TENM2: variants seen among roughly 807,000 people sequenced by gnomAD.
TENM2 encodes teneurin-2.
In TENM2, 52 loss-of-function variants were observed where a neutral mutation model predicts 245.2. The observed-to-expected ratio is 0.21, with a 90% CI of 0.17 to 0.27. The LOEUF (loss-of-function observed/expected upper bound fraction) is 0.27. TENM2 is among the 10% of genes least tolerant of loss of function. The pLI is 1.00. For missense variants in TENM2, 3,046 were observed against 3,666.8 expected, an observed-to-expected ratio of 0.83 and a Z score of 4.37; for synonymous variants, 1,363 against 1,438.9, an observed-to-expected ratio of 0.95 and a Z score of 1.19.
At chr5:167,080,737 G>A in the TENM2 span, among the ~76,000 whole-genome samples, 8 of 152,026 alleles carry the variant, frequency 5.3e-5, no homozygotes, top group South Asian at 4.1e-4. Flanking sequence ...TCCAAATGTC[G>A]AAGTGCTGTA....
At chr5:167,090,284 GTT>G in the TENM2 span, among the ~76,000 whole-genome samples, 1 of 141,478 alleles carries the variant, frequency 7.1e-6, no homozygotes, top group Non-Finnish European at 1.6e-5. Context: ...CATTTCAAAG[GTT>G]TTTTTTTTTT....
chr5:168,186,685 A>G (rs1294107901), intron 13 of TENM2: 1 of 152,224 alleles, frequency 6.6e-6, no homozygotes, highest in African/African-American at 2.4e-5. Flanking sequence ...ATAAGTAGGT[A>G]GATAAATAAA....
chr5:167,227,738 C>A, the TENM2 span, among the ~76,000 whole-genome samples: 6 of 152,242 alleles, frequency 3.9e-5, no homozygotes, highest in Admixed American at 2.0e-4. Context: ...TGAAGAAGAT[C>A]TTTTTGCTTT....
the TENM2 span, among the ~76,000 whole-genome samples, chr5:167,158,556 A>C: frequency 6.6e-6 from 1 of 152,184 alleles, no homozygotes; most frequent in African/African-American, 2.4e-5. Context: ...GCTGCTGAGA[A>C]GGCCACGGTG....
chr5:167,500,552 A>C (rs1769146707), intron 2 of TENM2, among the ~76,000 whole-genome samples: 2 of 152,280 alleles, frequency 1.3e-5, no homozygotes, highest in South Asian at 4.2e-4. Flanking sequence ...GAAAAGGGAG[A>C]AAATCGTGAG....
intron 2 of TENM2, among the ~76,000 whole-genome samples, chr5:167,597,152 TTTC>T (rs1373044858): frequency 1.3e-4 from 15 of 116,942 alleles, no homozygotes; most frequent in Non-Finnish European, 2.6e-4. Flanking sequence ...TTTCTTTTCT[TTTC>T]TTTTCTTTTC....
At chr5:167,924,097 C>A (rs1403759292) in intron 3 of TENM2, among the ~76,000 whole-genome samples, 1 of 152,192 alleles carries the variant, frequency 6.6e-6, no homozygotes, top group Non-Finnish European at 1.5e-5. Flanking sequence ...CTTAAATAGA[C>A]CATATGGAGG....
At chr5:167,512,981 T>A (rs887503523) in intron 2 of TENM2, among the ~76,000 whole-genome samples, 1 of 152,172 alleles carries the variant, frequency 6.6e-6, no homozygotes, top group African/African-American at 2.4e-5. Context: ...TGATAGGGGA[T>A]TGGATTTTGA....
At position 167,550,680 on chromosome 5, in the gene TENM2, C is replaced by CT. The variant is rs892119203; in HGVS notation, c.502+175216dup. ...GCTAGAGTACTTTCTACACAATTACCTTTTTTTTTGTTGTTGTTAGTGTGT... is the reference window on the plus strand; with the variant it reads ...GCTAGAGTACTTTCTACACAATTACCTTTTTTTTTTGTTGTTGTTAGTGTGT... On this transcript the variant is annotated intron_variant, in intron 2 of 28. Transcript: ENST00000518659. Among the ~76,000 whole-genome samples the CT allele has an allele frequency of 3.3e-3, 446 of 133,818 alleles. 9 individuals are homozygous for CT. The highest frequency in any genetic ancestry group is 0.012 in the Middle Eastern group (3 of 254). The allele number at this position is 133,818 out of a possible 152,430, so 87.8% of individuals were successfully genotyped here.
In TENM2 at chr5:167,740,951, C is replaced by A. The variant is rs113020646; in HGVS notation, c.503-135035C>A. Among the ~76,000 whole-genome samples the A allele has an allele frequency of 8.2e-3, 1,245 of 152,272 alleles. 8 individuals carry two copies. Among genetic ancestry groups the A allele is most frequent in the Non-Finnish European group, 0.014 (925 of 68,014 alleles). Reference sequence around the variant, plus strand: ...GCCAAGCTCATTCCAACGTGAGAACCTTGGCATGTCTTCTGTCAACCCTGC... The same window carrying A: ...GCCAAGCTCATTCCAACGTGAGAACATTGGCATGTCTTCTGTCAACCCTGC... On this transcript the variant is annotated intron_variant, in intron 2 of 28. Transcript: ENST00000518659.
chr5:168,092,387 A>G (rs1793017238), intron 8 of TENM2, among the ~76,000 whole-genome samples: 1 of 152,168 alleles, frequency 6.6e-6, no homozygotes. Flanking sequence ...GAGCAGCCCC[A>G]TACATCTGTT....
chr5:167,472,395 G>T (rs903820063), intron 2 of TENM2, among the ~76,000 whole-genome samples: 1 of 152,184 alleles, frequency 6.6e-6, no homozygotes, highest in South Asian at 2.1e-4. Flanking sequence ...TTTTCTAGCC[G>T]CAATAGTTTA....
At chr5:167,653,250 A>G (rs1043831302) in intron 2 of TENM2, 1 of 151,994 alleles carries the variant, frequency 6.6e-6, no homozygotes. Flanking sequence ...AATTTTATAT[A>G]TTTATTTCTT....
intron 9 of TENM2, among the ~76,000 whole-genome samples, chr5:168,109,012 C>G (rs1166373299): frequency 1.3e-5 from 2 of 152,166 alleles, no homozygotes; most frequent in Non-Finnish European, 2.9e-5. Flanking sequence ...CATCCTAGCT[C>G]CTTCAAACCT....
chr5:167,948,035 T>C (rs1175870936), intron 3 of TENM2, among the ~76,000 whole-genome samples: 1 of 152,188 alleles, frequency 6.6e-6, no homozygotes, highest in Non-Finnish European at 1.5e-5. Context: ...CAGCTGTTTA[T>C]TTAGGCAGAA....
chr5:167,073,096 A>G, the TENM2 span, among the ~76,000 whole-genome samples: 1 of 152,240 alleles, frequency 6.6e-6, no homozygotes, highest in African/African-American at 2.4e-5. Context: ...GGTATTCTTT[A>G]AGAGATAAGG....
chr5:167,184,197 A>G, the TENM2 span, among the ~76,000 whole-genome samples: 1 of 152,322 alleles, frequency 6.6e-6, no homozygotes, highest in Admixed American at 6.5e-5. Context: ...ATATTTTTGA[A>G]TCAGAAAATA....
At chr5:167,913,424 G>A (rs534943390) in intron 3 of TENM2, among the ~76,000 whole-genome samples, 10 of 152,270 alleles carry the variant, frequency 6.6e-5, no homozygotes, top group South Asian at 6.2e-4. Flanking sequence ...TTATGCAGAC[G>A]CTCTTTTTAT....
intron 2 of TENM2, among the ~76,000 whole-genome samples, chr5:167,738,246 T>C (rs912871387): frequency 6.6e-6 from 1 of 152,274 alleles, no homozygotes; most frequent in African/African-American, 2.4e-5. Flanking sequence ...ATTCTAATTG[T>C]TTATATAATA....
Sources: gnomAD v4.1 joint callset for allele counts (sites outside exome capture counted in the v4.1 genomes callset) on GRCh38, gnomAD v4.1.1 for gene constraint, MANE v1.5 for transcripts, NCBI Gene and HGNC (gene_info 2026-07-23, HGNC 2026-07-21) for gene names.